CACNA2D3: variants seen among roughly 807,000 people sequenced by gnomAD.
The protein encoded by CACNA2D3 is calcium voltage-gated channel auxiliary subunit alpha2delta 3, also known as voltage-dependent calcium channel subunit alpha-2/delta-3.
CACNA2D3 carries 60 observed loss-of-function variants against 160.6 expected under a neutral mutation model. The ratio of observed to expected loss-of-function variants is 0.37; its 90% CI spans 0.30 to 0.46. The LOEUF (loss-of-function observed/expected upper bound fraction) is 0.46. Ranked by LOEUF, CACNA2D3 falls within the 20% of genes least tolerant of loss-of-function variation. The pLI is 1.00. For synonymous variants in CACNA2D3, 558 were observed against 492.9 expected, an observed-to-expected ratio of 1.13 and a Z score of -1.75; for missense variants, 1,205 against 1,365.0, an observed-to-expected ratio of 0.88 and a Z score of 1.85.
At chr3:54,227,847 C>A (rs1265821239) in intron 2 of CACNA2D3, among the ~76,000 whole-genome samples, 1 of 152,182 alleles carries the variant, frequency 6.6e-6, no homozygotes, top group Non-Finnish European at 1.5e-5. Flanking sequence ...CTGCACCCGG[C>A]CTGTCCACGT....
chr3:54,295,241 A>C (rs1399371550), intron 2 of CACNA2D3, among the ~76,000 whole-genome samples: 2 of 152,134 alleles, frequency 1.3e-5, no homozygotes, highest in African/African-American at 4.8e-5. Flanking sequence ...AAGAGGGTAG[A>C]CATGACTTGT....
At chr3:54,614,351 CT>C (rs1186348590) in intron 9 of CACNA2D3, among the ~76,000 whole-genome samples, 1 of 152,200 alleles carries the variant, frequency 6.6e-6, no homozygotes, top group Non-Finnish European at 1.5e-5. Context: ...AAACTCTTGC[CT>C]ATTTCATCAA....
At chr3:54,458,728 G>A (rs997802521) in intron 4 of CACNA2D3, among the ~76,000 whole-genome samples, 8 of 151,598 alleles carry the variant, frequency 5.3e-5, no homozygotes, top group Admixed American at 3.9e-4. Flanking sequence ...GATTTAGGAC[G>A]TTTTAAACTG....
chr3:55,018,242 C>A lies in CACNA2D3; in HGVS notation c.2912C>A (p.Thr971Asn). Residue 971 changes from threonine to asparagine, a missense_variant, in exon 35 of 38, where the codon ACT becomes AAT. This residue lies in a region of CACNA2D3 where 911 missense variants were observed against 1,002.2 expected (regional missense o/e 0.91). Coordinates refer to ENST00000474759, the MANE Select transcript of CACNA2D3 (RefSeq NM_018398.3). ...AAACAGACCCTGGAGCCTTGTGATA[C>A]TGAATATCCAGCATTCGTCTCTGAG... ...KLKQTLEPCD[T>N]EYPAFVSERT... 6.2e-7 allele frequency: 1 copy of A among 1,613,146 alleles called. No individual in the cohort carries two copies. Among genetic ancestry groups the A allele is most frequent in the Non-Finnish European group, 8.5e-7 (1 of 1,179,368 alleles).
chr3:54,753,081 G>T (rs1303336531), intron 12 of CACNA2D3, among the ~76,000 whole-genome samples: 1 of 152,076 alleles, frequency 6.6e-6, no homozygotes, highest in Non-Finnish European at 1.5e-5. Flanking sequence ...GGCTGGTCTA[G>T]AACTCCTGAG....
intron 2 of CACNA2D3, among the ~76,000 whole-genome samples, chr3:54,286,200 A>G (rs1304438633): frequency 3.3e-5 from 5 of 152,226 alleles, no homozygotes; most frequent in Non-Finnish European, 5.9e-5. Context: ...AGAGGAATGT[A>G]TAACTAGAAT....
chr3:54,624,546 C>T (rs937968558), intron 9 of CACNA2D3, among the ~76,000 whole-genome samples: 3 of 152,074 alleles, frequency 2.0e-5, no homozygotes, highest in Non-Finnish European at 2.9e-5. Flanking sequence ...GGCGTGAACC[C>T]GGGAGGCGGA....
intron 35 of CACNA2D3, among the ~76,000 whole-genome samples, chr3:55,051,609 T>A (rs539086645): frequency 8.9e-4 from 135 of 152,174 alleles, no homozygotes; most frequent in African/African-American, 3.2e-3. Context: ...CAGGCAGGCC[T>A]CCTTGAGCTG....
chr3:54,465,952 T>C (rs1384755811), intron 4 of CACNA2D3, among the ~76,000 whole-genome samples: 3 of 152,158 alleles, frequency 2.0e-5, no homozygotes, highest in Non-Finnish European at 4.4e-5. Context: ...CAGTTTCATA[T>C]GGTTATGAGA....
chr3:54,216,612 G>A (rs1701467965), intron 2 of CACNA2D3, among the ~76,000 whole-genome samples: 1 of 152,212 alleles, frequency 6.6e-6, no homozygotes, highest in Admixed American at 6.5e-5. Context: ...AGGCGTGATG[G>A]CTTCTTGCCC....
intron 33 of CACNA2D3, among the ~76,000 whole-genome samples, chr3:55,008,095 C>T (rs957443518): frequency 6.6e-5 from 10 of 152,148 alleles, no homozygotes; most frequent in African/African-American, 2.4e-4. Context: ...AACAAATTTA[C>T]TTATTGTGGT....
intron 9 of CACNA2D3, among the ~76,000 whole-genome samples, chr3:54,598,816 T>C (rs1435911497): frequency 6.6e-6 from 1 of 152,182 alleles, no homozygotes; most frequent in African/African-American, 2.4e-5. Context: ...TCCTTGGCCA[T>C]TGGTCAACAT....
intron 14 of CACNA2D3, among the ~76,000 whole-genome samples, chr3:54,830,292 C>G (rs1332813387): frequency 6.6e-6 from 1 of 151,766 alleles, no homozygotes; most frequent in South Asian, 2.1e-4. Context: ...CATAATGTCT[C>G]GTCTGATTTA....
intron 6 of CACNA2D3, among the ~76,000 whole-genome samples, chr3:54,569,305 A>G (rs1420696508): frequency 1.3e-5 from 2 of 152,208 alleles, no homozygotes; most frequent in East Asian, 3.8e-4. Flanking sequence ...TTTTAAAAAC[A>G]GGAGTGAGGA....
intron 5 of CACNA2D3, among the ~76,000 whole-genome samples, chr3:54,533,834 G>T (rs185603377): frequency 1.3e-5 from 2 of 151,794 alleles, no homozygotes; most frequent in Non-Finnish European, 2.9e-5. Flanking sequence ...TGTGTTAATA[G>T]GGTGTGTAAA....
chr3:54,448,770 C>G (rs376599355), intron 4 of CACNA2D3, among the ~76,000 whole-genome samples: 2 of 152,298 alleles, frequency 1.3e-5, no homozygotes, highest in South Asian at 2.1e-4. Flanking sequence ...GAACTCTGGT[C>G]TTTGTGACAG....
chr3:54,874,452 A>G (rs964196449), intron 18 of CACNA2D3, among the ~76,000 whole-genome samples: 4 of 152,190 alleles, frequency 2.6e-5, no homozygotes, highest in Non-Finnish European at 5.9e-5. Flanking sequence ...AGATGGCACA[A>G]GGAATTGAGG....
chr3:54,413,395 T>C (rs1234369497), intron 4 of CACNA2D3, among the ~76,000 whole-genome samples: 3 of 144,518 alleles, frequency 2.1e-5, no homozygotes, highest in Non-Finnish European at 3.0e-5. Flanking sequence ...TGCATATATA[T>C]ATCTATATAT....
chr3:54,690,360 C>T (rs1360671969), intron 11 of CACNA2D3, among the ~76,000 whole-genome samples: 1 of 152,010 alleles, frequency 6.6e-6, no homozygotes, highest in African/African-American at 2.4e-5. Context: ...TTATAGTGTT[C>T]ATTGTTCCTC....
Sources: gnomAD v4.1 joint callset for allele counts (sites outside exome capture counted in the v4.1 genomes callset) on GRCh38, gnomAD v4.1.1 for gene constraint, gnomAD v4.1.1 regional missense constraint, MANE v1.5 for transcripts, NCBI Gene and HGNC (gene_info 2026-07-23, HGNC 2026-07-21) for gene names.